ENTPD5: variants seen among roughly 807,000 people sequenced by gnomAD.
ENTPD5 encodes nucleoside diphosphate phosphatase ENTPD5.
In ENTPD5, 49 loss-of-function variants were observed where a neutral mutation model predicts 60.2. That is an observed-to-expected ratio of 0.81 (90% CI 0.65 to 1.03). The LOEUF is 1.03. Among genes scored for constraint, ENTPD5 ranks in the 50% least tolerant of loss-of-function variants. ENTPD5 has a pLI of 0.00. For missense variants in ENTPD5, 480 were observed against 507.6 expected (o/e 0.95, Z 0.52); for synonymous variants, 187 against 185.4 (o/e 1.01, Z -0.07).
intron 1 of ENTPD5, chr14:74,018,326 G>A (rs1191056331): frequency 2.0e-5 from 3 of 152,248 alleles, no homozygotes; most frequent in African/African-American, 7.2e-5. Flanking sequence ...GGGAAGGAGT[G>A]TACGGATTAA....
chr14:74,013,479 A>G (rs952640602), intron 2 of ENTPD5, among the ~76,000 whole-genome samples: 1 of 151,884 alleles, frequency 6.6e-6, no homozygotes, highest in Non-Finnish European at 1.5e-5. Flanking sequence ...TTAAAATATT[A>G]TGAGATCTTT....
At chr14:74,009,205 AGAT>A (rs1335009895) in intron 3 of ENTPD5, 1 of 152,206 alleles carries the variant, frequency 6.6e-6, no homozygotes, top group Non-Finnish European at 1.5e-5. Flanking sequence ...TTAGATAAGA[AGAT>A]ACTGTCATTC....
chr14:73,961,858 C>T, downstream of ENTPD5: 2 of 1,614,192 alleles, frequency 1.2e-6, no homozygotes, highest in Non-Finnish European at 1.7e-6. Context: ...TTGTGTTGCT[C>T]AGGACGTGGG....
intron 10 of ENTPD5, among the ~76,000 whole-genome samples, chr14:73,975,555 C>T (rs1465794390): frequency 6.6e-6 from 1 of 152,016 alleles, no homozygotes; most frequent in African/African-American, 2.4e-5. Flanking sequence ...CAGGTGTGCG[C>T]TGTCATATCC....
chr14:73,961,805 A>T (rs150656371), downstream of ENTPD5: 3 of 1,614,154 alleles, frequency 1.9e-6, no homozygotes, highest in East Asian at 4.5e-5. Flanking sequence ...TCTGGCTGCT[A>T]CAGACTTACT....
At chr14:73,960,649 T>G, downstream of ENTPD5, 1 of 1,013,876 alleles carries the variant, frequency 9.9e-7, no homozygotes, top group Non-Finnish European at 1.2e-6. Context: ...GAGAACAGTC[T>G]CCGCTTTCAG....
At chr14:73,960,726 G>A, downstream of ENTPD5, 1 of 544,132 alleles carries the variant, frequency 1.8e-6, no homozygotes. Flanking sequence ...AGTATGCATA[G>A]GATGCTGTGG....
chr14:73,958,420 G>A, downstream of ENTPD5: 1 of 1,515,584 alleles, frequency 6.6e-7, no homozygotes, highest in Non-Finnish European at 8.9e-7. Flanking sequence ...ATTCAGGCCA[G>A]CTCAAGTGGA....
chr14:73,976,461 C>G (rs2057449381), intron 8 of ENTPD5, 49 bp from the exon 9 acceptor site: 1 of 1,420,084 alleles, frequency 7.0e-7, no homozygotes, highest in East Asian at 2.3e-5. Context: ...CTGGGCAGCC[C>G]AACACTTGTC....
At chr14:73,982,851 G>C (rs1336319628) in intron 6 of ENTPD5, among the ~76,000 whole-genome samples, 167 bp downstream of exon 6, 7 of 152,206 alleles carry the variant, frequency 4.6e-5, no homozygotes, top group African/African-American at 1.7e-4. Flanking sequence ...AAGAGTGATA[G>C]TTAAAAATGT....
At chr14:73,998,785 C>T (rs193035311) in intron 3 of ENTPD5, among the ~76,000 whole-genome samples, 19 of 152,098 alleles carry the variant, frequency 1.2e-4, no homozygotes, top group Non-Finnish European at 2.4e-4. Context: ...AATCAAGACA[C>T]GGATGTGGAA....
At chr14:74,012,861 C>T (rs1393349341) in intron 2 of ENTPD5, among the ~76,000 whole-genome samples, 2 of 152,156 alleles carry the variant, frequency 1.3e-5, no homozygotes, top group South Asian at 2.1e-4. Context: ...TCAGGCCAAA[C>T]GAAACACATT....
downstream of ENTPD5, chr14:73,960,664 T>G (rs1170204911): frequency 5.5e-5 from 51 of 931,464 alleles, no homozygotes; most frequent in Non-Finnish European, 6.5e-5. Context: ...TTTCAGGAAG[T>G]TCATAGTCAA....
At chr14:73,995,877 C>T (rs1174255559) in intron 3 of ENTPD5, among the ~76,000 whole-genome samples, 1 of 152,074 alleles carries the variant, frequency 6.6e-6, no homozygotes, top group African/African-American at 2.4e-5. Context: ...ATTCACCCCC[C>T]AACAAAGCCC....
chr14:73,991,513 G>A (rs766131113), intron 3 of ENTPD5, among the ~76,000 whole-genome samples: 8 of 151,240 alleles, frequency 5.3e-5, no homozygotes, highest in African/African-American at 9.7e-5. Context: ...ACTTGAACCC[G>A]GGAGGCGGAG....
At chr14:74,006,284 CTT>C (rs1224060585) in intron 3 of ENTPD5, among the ~76,000 whole-genome samples, 16 of 129,940 alleles carry the variant, frequency 1.2e-4, no homozygotes, top group Admixed American at 2.4e-4. Flanking sequence ...CTCGCCAAGC[CTT>C]TTTTTTTTTT....
intron 5 of ENTPD5, among the ~76,000 whole-genome samples, chr14:73,985,308 A>G (rs1306791868): frequency 6.6e-6 from 1 of 152,134 alleles, no homozygotes. Context: ...ATCCTTGAGG[A>G]ATCACCACGC....
chr14:73,967,674 C>T (rs905722355), intron 15 of ENTPD5, among the ~76,000 whole-genome samples: 2 of 151,798 alleles, frequency 1.3e-5, no homozygotes, highest in Non-Finnish European at 2.9e-5. Context: ...GTGGCACACA[C>T]CTGTAATCCC....
downstream of ENTPD5, chr14:73,961,194 G>A: frequency 6.2e-7 from 1 of 1,613,854 alleles, no homozygotes; most frequent in East Asian, 2.2e-5. Flanking sequence ...TGACCACACG[G>A]ACTTCATCGA....
Sources: gnomAD v4.1 joint callset for allele counts (sites outside exome capture counted in the v4.1 genomes callset) on GRCh38, gnomAD v4.1.1 for gene constraint, MANE v1.5 for transcripts, NCBI Gene and HGNC (gene_info 2026-07-23, HGNC 2026-07-21) for gene names.